The following IMMP2L variants were observed in gnomAD, a reference collection of about 807,000 sequenced individuals.
The protein encoded by IMMP2L is inner mitochondrial membrane peptidase subunit 2.
In IMMP2L, 18 loss-of-function variants were observed where a neutral mutation model predicts 19.3. The ratio of observed to expected loss-of-function variants is 0.93; its 90% CI spans 0.64 to 1.38. The LOEUF (loss-of-function observed/expected upper bound fraction) is 1.38. Among genes scored for constraint, IMMP2L ranks in the 40% most tolerant of loss-of-function variants. IMMP2L has a pLI of 0.00. For missense variants in IMMP2L, 233 were observed against 218.2 expected (o/e 1.07, Z -0.43); for synonymous variants, 76 against 73.0 (o/e 1.04, Z -0.21).
intron 5 of IMMP2L, among the ~76,000 whole-genome samples, chr7:110,868,117 TTG>T (rs71151813): frequency 3.2e-3 from 460 of 143,958 alleles, no homozygotes; most frequent in Non-Finnish European, 3.0e-3. Context: ...CTTGTGAGGT[TTG>T]TGTGTGTGTG....
chr7:111,556,018 G>GTATATATATATA (rs1554550149), intron 1 of IMMP2L, among the ~76,000 whole-genome samples: 3,895 of 91,302 alleles, frequency 0.043, 524 homozygotes, highest in Admixed American at 0.11. Context: ...CTGTGTGCAT[G>GTATATATATATA]TATATATATA....
chr7:111,263,822 C>T (rs1817566792), intron 3 of IMMP2L, among the ~76,000 whole-genome samples: 1 of 152,008 alleles, frequency 6.6e-6, no homozygotes, highest in South Asian at 2.1e-4. Flanking sequence ...TACTGGAAGC[C>T]AGGGGAAGAA....
At chr7:110,963,131 T>G in intron 4 of IMMP2L, 1 of 1,475,092 alleles carries the variant, frequency 6.8e-7, no homozygotes, top group South Asian at 1.4e-5. Context: ...TGCATTTGCT[T>G]CTAAAATAGT....
At chr7:111,160,249 T>A (rs1805104387) in intron 3 of IMMP2L, among the ~76,000 whole-genome samples, 1 of 152,068 alleles carries the variant, frequency 6.6e-6, no homozygotes, top group East Asian at 1.9e-4. Flanking sequence ...TTATTATAAA[T>A]AAGTTATCCA....
At chr7:111,118,739 A>G (rs1322403362) in intron 3 of IMMP2L, among the ~76,000 whole-genome samples, 1 of 152,136 alleles carries the variant, frequency 6.6e-6, no homozygotes, top group Admixed American at 6.6e-5. Context: ...TATCATAATC[A>G]TTTCCACAGA....
rs372400098 is a variant in IMMP2L at position 111,281,259 on chromosome 7, AAGAG to A, written c.239+205975_239+205978del. On this transcript the variant is annotated intron_variant, in intron 3 of 5. Coordinates refer to ENST00000405709, the MANE Select transcript of IMMP2L (RefSeq NM_032549.4). ...AAGAAAGAAAGAAGAGAGAGAGAGA[AAGAG>A]AGAGAGAAAGAAAGAGAAGGAAAGA... Among the ~76,000 whole-genome samples the A allele has an allele frequency of 6.4e-3, 819 of 127,608 alleles. 46 individuals carry two copies. Among genetic ancestry groups the A allele is most frequent in the East Asian group, 0.019 (86 of 4,590 alleles). 83.7% of individuals were successfully genotyped at this position (127,608 alleles called of 152,430 possible).
At chr7:111,436,937 G>A (rs1219312795) in intron 3 of IMMP2L, among the ~76,000 whole-genome samples, 1 of 151,620 alleles carries the variant, frequency 6.6e-6, no homozygotes, top group Non-Finnish European at 1.5e-5. Flanking sequence ...TAGACAAACA[G>A]ATTTTGCATG....
chr7:111,300,657 A>G (rs1270373490), intron 3 of IMMP2L, among the ~76,000 whole-genome samples: 3 of 152,108 alleles, frequency 2.0e-5, no homozygotes, highest in African/African-American at 7.2e-5. Flanking sequence ...CCGGGCAACC[A>G]TTTCATAATT....
rs141451680 is a variant in IMMP2L at position 111,194,788 on chromosome 7, C to T, written c.240-231223G>A. Among the ~76,000 whole-genome samples, 56 of 152,116 alleles carry T rather than the reference C, an allele frequency of 3.7e-4. No homozygotes were observed. The East Asian group carries it at 0.01, about 27-fold the overall frequency. ...CTGTGAGGTAGGCATTATATCTAAC[C>T]TTATATTAGAAATCACAAAATTACT... On this transcript the variant is annotated intron_variant, in intron 3 of 5. Transcript: ENST00000405709.
rs192189157 is a variant in IMMP2L, at chr7:110,950,275, T to C, written c.305+13225A>G. Among the ~76,000 whole-genome samples, 426 of 152,268 alleles carry C rather than the reference T, an allele frequency of 2.8e-3. 1 individual carries two copies. The highest frequency in any genetic ancestry group is 9.2e-3 in the African/African-American group (384 of 41,580). ...TTCTCAAAGATCAATTGACTGTATA[T>C]GCATGGGTTTCTCTCAGTGTCTCTA... is the stretch of plus-strand genomic sequence containing the variant. On this transcript the variant is annotated intron_variant, in intron 4 of 5. Coordinates refer to ENST00000405709, the MANE Select transcript of IMMP2L (RefSeq NM_032549.4).
intron 3 of IMMP2L, among the ~76,000 whole-genome samples, chr7:111,041,962 G>A (rs1791939310): frequency 6.6e-6 from 1 of 152,150 alleles, no homozygotes; most frequent in African/African-American, 2.4e-5. Flanking sequence ...CTGTGAAATG[G>A]AGGTAAAAAT....
intron 3 of IMMP2L, among the ~76,000 whole-genome samples, chr7:111,108,870 G>T (rs1798850559): frequency 6.6e-6 from 1 of 152,022 alleles, no homozygotes; most frequent in Non-Finnish European, 1.5e-5. Context: ...AAAAGCAACT[G>T]ATATTCATTC....
intron 3 of IMMP2L, among the ~76,000 whole-genome samples, chr7:111,185,263 G>T (rs998534023): frequency 6.6e-6 from 1 of 152,124 alleles, no homozygotes; most frequent in Non-Finnish European, 1.5e-5. Context: ...TCTGTGGTTG[G>T]ATTTTTCAGC....
At chr7:110,810,494 T>C (rs1378219667) in intron 5 of IMMP2L, among the ~76,000 whole-genome samples, 1 of 152,074 alleles carries the variant, frequency 6.6e-6, no homozygotes, top group African/African-American at 2.4e-5. Context: ...AGCTGAATTG[T>C]TGACATGAGA....
At chr7:110,811,968 T>C (rs1200325579) in intron 5 of IMMP2L, among the ~76,000 whole-genome samples, 1 of 152,066 alleles carries the variant, frequency 6.6e-6, no homozygotes, top group Non-Finnish European at 1.5e-5. Flanking sequence ...AGAACTTTGC[T>C]GCTACTTCTA....
intron 3 of IMMP2L, among the ~76,000 whole-genome samples, chr7:111,354,534 G>A (rs1293918539): frequency 6.6e-6 from 1 of 150,970 alleles, no homozygotes; most frequent in Non-Finnish European, 1.5e-5. Context: ...AAGTCAAGAG[G>A]GACGAGAGGT....
chr7:111,351,135 A>C (rs1040553816), intron 3 of IMMP2L, among the ~76,000 whole-genome samples: 1 of 152,184 alleles, frequency 6.6e-6, no homozygotes, highest in Non-Finnish European at 1.5e-5. Context: ...AATATCTTGC[A>C]TTCTATACCA....
chr7:111,192,689 C>T (rs1485809063), intron 3 of IMMP2L, among the ~76,000 whole-genome samples: 1 of 152,086 alleles, frequency 6.6e-6, no homozygotes, highest in Non-Finnish European at 1.5e-5. Flanking sequence ...CAAACAAGAG[C>T]TCTGGATTTG....
intron 3 of IMMP2L, among the ~76,000 whole-genome samples, chr7:111,266,729 C>T (rs1029939956): frequency 1.7e-4 from 26 of 152,224 alleles, no homozygotes; most frequent in Admixed American, 3.9e-4. Flanking sequence ...GCTAAGACTA[C>T]GGCATTTTCC....
Sources: allele counts gnomAD v4.1 joint callset (sites outside exome capture counted in the v4.1 genomes callset), GRCh38; gene constraint gnomAD v4.1.1; transcripts MANE v1.5; gene names NCBI Gene and HGNC (gene_info 2026-07-23, HGNC 2026-07-21).